Variants in NPTXR observed in about 807,000 individuals in gnomAD.
NPTXR encodes the protein neuronal pentraxin receptor.
NPTXR carries 12 observed loss-of-function variants against 32.2 expected under a neutral mutation model. That is an observed-to-expected ratio of 0.37 (90% CI 0.24 to 0.60). The LOEUF is 0.60. Ranked by LOEUF, NPTXR falls within the 20% of genes least tolerant of loss-of-function variation. The pLI, the probability that NPTXR is intolerant of heterozygous loss-of-function variation, is 0.66. For synonymous variants in NPTXR, 323 were observed against 315.8 expected, an observed-to-expected ratio of 1.02 and a Z score of -0.24; for missense variants, 612 against 682.9, an observed-to-expected ratio of 0.90 and a Z score of 1.16.
rs947061877 is a variant in NPTXR, at chr22:38,843,524, G to T, written c.335C>A (p.Ala112Glu). The T allele has an allele frequency of 2.8e-5, 36 of 1,267,252 alleles. No homozygotes were observed. Among genetic ancestry groups the T allele is most frequent in the Non-Finnish European group, 3.3e-5 (33 of 1,008,040 alleles). The allele number at this position is 1,267,252 out of a possible 1,614,324, so 78.5% of individuals were successfully genotyped here. The change falls in exon 1 of 5, where the codon GCG (alanine) becomes GAG (glutamate). Residue 112 changes from alanine to glutamate, a missense_variant. Transcript: ENST00000333039. The surrounding 1 kb of genome is among the most constrained non-coding windows in gnomAD (Gnocchi z 5.3). ...GCGCTCGCCCGGCGCAGCGCCCGCC[G>T]CGTCCCCCTGCTGGGCCCCCGACGG...
intron 1 of NPTXR, among the ~76,000 whole-genome samples, chr22:38,831,725 G>A (rs557125892): frequency 1.3e-5 from 2 of 152,210 alleles, no homozygotes; most frequent in East Asian, 3.9e-4. Context: ...CCTGGTCCCA[G>A]GTACTGTTCT....
Position 38,831,475 on chromosome 22 carries a change from T to C in NPTXR, c.625-2963A>G, listed in dbSNP as rs1163168192. Among the ~76,000 whole-genome samples, 4 of 152,202 alleles carry C rather than the reference T, an allele frequency of 2.6e-5. No individual in the cohort carries two copies. In the East Asian group the frequency reaches 7.7e-4, roughly 29 times the overall value. ...ACAGATGGAAGGATGGGAGGACAAG[T>C]GACAGGCCCTCATGGACTATAAAAG... On this transcript the variant is annotated intron_variant, in intron 1 of 4. Transcript: ENST00000333039.
At chr22:38,838,410 T>TCAG (rs899091708) in intron 1 of NPTXR, among the ~76,000 whole-genome samples, 15 of 151,734 alleles carry the variant, frequency 9.9e-5, no homozygotes, top group Non-Finnish European at 2.2e-4. Context: ...TTAGTTATTA[T>TCAG]CAGCAGCAGC....
chr22:38,839,599 T>G (rs2093129155), intron 1 of NPTXR, among the ~76,000 whole-genome samples: 1 of 151,726 alleles, frequency 6.6e-6, no homozygotes, highest in African/African-American at 2.4e-5. Flanking sequence ...GAGCCAAGAT[T>G]GCGCCACTGC....
chr22:38,822,904 C>T (rs920247643), intron 4 of NPTXR, 71 bp from the exon 5 acceptor site: 26 of 1,487,194 alleles, frequency 1.7e-5, no homozygotes, highest in Non-Finnish European at 2.0e-5. Context: ...CAGGCTGGCT[C>T]AGTCAGGCTC....
intron 1 of NPTXR, among the ~76,000 whole-genome samples, chr22:38,831,861 G>A (rs919361582): frequency 3.3e-5 from 5 of 152,134 alleles, no homozygotes; most frequent in African/African-American, 9.7e-5. Flanking sequence ...GCAGCTGCTC[G>A]CTGAGGCTGG....
At chr22:38,831,077 C>G (rs2093115454) in intron 1 of NPTXR, among the ~76,000 whole-genome samples, 1 of 152,220 alleles carries the variant, frequency 6.6e-6, no homozygotes, top group Admixed American at 6.5e-5. Context: ...AACCCTGACT[C>G]TGGTGCAGAC....
intron 1 of NPTXR, among the ~76,000 whole-genome samples, chr22:38,840,667 C>T (rs1022501003): frequency 3.3e-5 from 5 of 152,096 alleles, no homozygotes; most frequent in East Asian, 1.9e-4. Flanking sequence ...CTCAGGAGGC[C>T]GATGTGTTGA....
At chr22:38,842,853 G>A (rs1568988211) in intron 1 of NPTXR, among the ~76,000 whole-genome samples, 2 of 152,186 alleles carry the variant, frequency 1.3e-5, no homozygotes, top group Non-Finnish European at 2.9e-5. Flanking sequence ...GGGGGTGTCC[G>A]GAAGAAGGAA....
chr22:38,836,917 C>T (rs1034068626), intron 1 of NPTXR, among the ~76,000 whole-genome samples: 1 of 152,062 alleles, frequency 6.6e-6, no homozygotes, highest in Non-Finnish European at 1.5e-5. Flanking sequence ...CAGGTTCAAG[C>T]GATTCTCCTG....
chr22:38,823,060 C>T (rs2093100719), intron 4 of NPTXR, 23 bp downstream of exon 4: 3 of 1,613,296 alleles, frequency 1.9e-6, no homozygotes, highest in Non-Finnish European at 2.5e-6. Flanking sequence ...GAGGTCCAGC[C>T]CCAATATCAG....
intron 1 of NPTXR, among the ~76,000 whole-genome samples, chr22:38,836,817 T>C (rs1364924019): frequency 6.6e-6 from 1 of 152,124 alleles, no homozygotes; most frequent in East Asian, 1.9e-4. Context: ...TTTTTTATTT[T>C]ATTTATTTAT....
chr22:38,843,137 C>CA lies in NPTXR; in HGVS notation c.624+97dup. On this transcript the variant is annotated intron_variant, in intron 1 of 4. Coordinates refer to ENST00000333039, the MANE Select transcript of NPTXR (RefSeq NM_014293.4). This position sits in a 1 kb window ranked among gnomAD's most constrained non-coding sequence, Gnocchi z 5.3. The stretch of plus-strand genomic sequence containing the variant: ...GGAAGGCGCGATCGTCCCCGGAACA[C>CA]AGACGGGAGACCGGAGGCTCGGGGA... 1.7e-6 allele frequency: 2 copies of CA among 1,149,358 alleles called. No homozygotes were observed. Among genetic ancestry groups the CA allele is most frequent in the South Asian group, 3.7e-5 (1 of 26,714 alleles). The allele number at this position is 1,149,358 out of a possible 1,614,324, so 71.2% of individuals were successfully genotyped here. A position where few individuals can be genotyped will look rare whatever the true frequency, so the allele number is the denominator to read the frequency against.
Position 38,843,650 on chromosome 22 carries a change from C to G in NPTXR, c.209G>C (p.Gly70Ala). The change falls in exon 1 of 5, where the codon GGG (glycine) becomes GCG (alanine). Residue 70 changes from glycine (G) to alanine (A), a missense_variant. Physicochemically the swap from Gly to Ala is moderately conservative, Grantham distance 60 (BLOSUM62 0). Coordinates refer to ENST00000333039, the MANE Select transcript of NPTXR (RefSeq NM_014293.4). The surrounding 1 kb of genome is among the most constrained non-coding windows in gnomAD (Gnocchi z 5.3). ...GGGTGCCCCGGGCAGCGCGGGGGGC[C>G]CGGCTGAACCGCCCGCGCCGTGCAG... 9.5e-7 allele frequency: 1 copy of G among 1,050,636 alleles called. No individual in the cohort carries two copies. Among genetic ancestry groups the G allele is most frequent in the Non-Finnish European group, 1.1e-6 (1 of 874,690 alleles). The allele number at this position is 1,050,636 out of a possible 1,614,324, so 65.1% of individuals were successfully genotyped here. A position where few individuals can be genotyped will look rare whatever the true frequency, so the allele number is the denominator to read the frequency against.
Position 38,822,446 on chromosome 22 carries a change from AG to A in NPTXR, c.*162del. On this transcript the variant is annotated 3_prime_UTR_variant, in exon 5 of 5. Coordinates refer to ENST00000333039, the MANE Select transcript of NPTXR (RefSeq NM_014293.4). ...GGGACAGGGGACACACTCGCAGGGC[AG>A]GGCATTCTGGAGGTGTGGGTACAGG... 1.6e-6 allele frequency: 1 copy of A among 642,478 alleles called. No homozygotes were observed. The highest frequency in any genetic ancestry group is 1.8e-5 in the South Asian group (1 of 54,272). The allele number at this position is 642,478 out of a possible 1,614,324, so 39.8% of individuals were successfully genotyped here. A position where few individuals can be genotyped will look rare whatever the true frequency, so the allele number is the denominator to read the frequency against.
At chr22:38,832,190 C>T (rs1267014008) in intron 1 of NPTXR, among the ~76,000 whole-genome samples, 2 of 152,190 alleles carry the variant, frequency 1.3e-5, no homozygotes, top group Non-Finnish European at 2.9e-5. Flanking sequence ...GAGGTGGGCT[C>T]GCCGGATCGT....
At chr22:38,825,665 A>G (rs75974641) in intron 3 of NPTXR, among the ~76,000 whole-genome samples, 1,802 of 152,098 alleles carry the variant, frequency 0.012, 30 homozygotes, top group African/African-American at 0.041. Flanking sequence ...ATGCAGAACC[A>G]AGACTCAAAC....
rs2093093994 is a variant in NPTXR, at chr22:38,819,880, C to G, written c.*2729G>C. On this transcript the variant is annotated 3_prime_UTR_variant, in exon 5 of 5. Coordinates refer to ENST00000333039, the MANE Select transcript of NPTXR (RefSeq NM_014293.4). ...GGTGCTGGGGAAATTTGTTCCTGTT[C>G]CCTTTGGAAGGCTGAGTGGGTGATG... 6.6e-6 allele frequency: 1 copy of G among 152,610 alleles called. No homozygotes were observed. Among genetic ancestry groups the G allele is most frequent in the Non-Finnish European group, 1.5e-5 (1 of 68,084 alleles). The allele number at this position is 152,610 out of a possible 1,614,324, so 9.5% of individuals were successfully genotyped here.
Position 38,822,401 on chromosome 22 carries a change from C to T in NPTXR, c.*208G>A, listed in dbSNP as rs745321753. 1.1e-4 allele frequency: 64 copies of T among 585,210 alleles called. No homozygotes were observed. The highest frequency in any genetic ancestry group is 9.1e-4 in the Middle Eastern group (2 of 2,192). The allele number at this position is 585,210 out of a possible 1,614,324, so 36.3% of individuals were successfully genotyped here. A position where few individuals can be genotyped will look rare whatever the true frequency, so the allele number is the denominator to read the frequency against. On this transcript the variant is annotated 3_prime_UTR_variant, in exon 5 of 5. Coordinates refer to ENST00000333039, the MANE Select transcript of NPTXR (RefSeq NM_014293.4). ...GCAGGCTCCCACTGTTCACTTGAGACGCTCCTCCCCACTCAGGTGGGGACA... is the reference window on the plus strand; with the variant it reads ...GCAGGCTCCCACTGTTCACTTGAGATGCTCCTCCCCACTCAGGTGGGGACA...
Sources: allele counts gnomAD v4.1 joint callset (sites outside exome capture counted in the v4.1 genomes callset), GRCh38; gene constraint gnomAD v4.1.1; non-coding constraint Gnocchi (gnomAD v3.1); transcripts MANE v1.5; gene names NCBI Gene and HGNC (gene_info 2026-07-23, HGNC 2026-07-21).